Variants in RPA1 observed in about 807,000 individuals in gnomAD.
The protein encoded by RPA1 is replication protein A1.
Under a neutral mutation model 83.0 loss-of-function variants are expected in RPA1, and 49 were observed. The observed-to-expected ratio is 0.59, with a 90% CI of 0.47 to 0.75. RPA1 has a LOEUF of 0.75. Ranked by LOEUF, RPA1 falls within the 30% of genes least tolerant of loss-of-function variation. The pLI is 0.00. For missense variants in RPA1, 693 were observed against 776.1 expected, an observed-to-expected ratio of 0.89 and a Z score of 1.27; for synonymous variants, 279 against 281.8, an observed-to-expected ratio of 0.99 and a Z score of 0.10.
intron 15 of RPA1, among the ~76,000 whole-genome samples, chr17:1,893,886 T>G (rs1914290497): frequency 6.6e-6 from 1 of 151,920 alleles, no homozygotes; most frequent in South Asian, 2.1e-4. Flanking sequence ...TGAGACAAGG[T>G]CTTGCCTCAT....
chr17:1,834,105 G>A (rs182512289), intron 1 of RPA1, among the ~76,000 whole-genome samples: 7 of 152,268 alleles, frequency 4.6e-5, no homozygotes, highest in African/African-American at 7.2e-5. Context: ...GCTTGAACCC[G>A]TGAGGCAGAG....
At chr17:1,893,044 T>A (rs972227406) in intron 15 of RPA1, among the ~76,000 whole-genome samples, 2 of 152,200 alleles carry the variant, frequency 1.3e-5, no homozygotes, top group African/African-American at 4.8e-5. Flanking sequence ...CTGGTGTGTT[T>A]TTCTTTTTCT....
chr17:1,838,488 A>G (rs1911909146), intron 1 of RPA1, among the ~76,000 whole-genome samples: 1 of 151,686 alleles, frequency 6.6e-6, no homozygotes, highest in African/African-American at 2.4e-5. Flanking sequence ...CTGTAACCTC[A>G]GCTACTCAGG....
At position 1,897,811 on chromosome 17, in the gene RPA1, A is replaced by T. The variant is rs1597466531; in HGVS notation, c.*636A>T. 6.5e-6 allele frequency: 1 copy of T among 152,814 alleles called. No individual in the cohort carries two copies. Among genetic ancestry groups the T allele is most frequent in the African/African-American group, 2.4e-5 (1 of 41,450 alleles). 9.5% of individuals were successfully genotyped at this position (152,814 alleles called of 1,614,324 possible). A position where few individuals can be genotyped will look rare whatever the true frequency, so the allele number is the denominator to read the frequency against. On this transcript the variant is annotated 3_prime_UTR_variant, in exon 17 of 17. Coordinates refer to ENST00000254719, the MANE Select transcript of RPA1 (RefSeq NM_002945.5). ...TCAGATGGGTCTGATATTAATCAAAATTGTCTCTTCTGAGGACCGCTGATA... is the reference window on the plus strand; with the variant it reads ...TCAGATGGGTCTGATATTAATCAAATTTGTCTCTTCTGAGGACCGCTGATA...
intron 5 of RPA1, among the ~76,000 whole-genome samples, chr17:1,857,882 G>T (rs1912770664): frequency 6.8e-6 from 1 of 147,858 alleles, no homozygotes; most frequent in Non-Finnish European, 1.5e-5. Flanking sequence ...CACTATTAAG[G>T]TCTACCAGGT....
At chr17:1,844,026 G>C in intron 3 of RPA1, 28 bp downstream of exon 3, 1 of 1,596,430 alleles carries the variant, frequency 6.3e-7, no homozygotes, top group Non-Finnish European at 8.6e-7. Flanking sequence ...ATCTAGAAAT[G>C]TGTGAGTATT....
intron 5 of RPA1, chr17:1,854,268 A>G (rs1200639572): frequency 6.6e-6 from 1 of 152,250 alleles, no homozygotes; most frequent in Non-Finnish European, 1.5e-5. Context: ...GCCTCATTTG[A>G]CACCAAAATA....
At chr17:1,885,035 C>T (rs1373378276) in intron 13 of RPA1, among the ~76,000 whole-genome samples, 1 of 152,192 alleles carries the variant, frequency 6.6e-6, no homozygotes, top group Non-Finnish European at 1.5e-5. Context: ...TTCACAAAAG[C>T]TTTCTCCATA....
At chr17:1,861,621 C>G (rs59614924) in intron 5 of RPA1, among the ~76,000 whole-genome samples, 29,396 of 152,182 alleles carry the variant, frequency 0.19, 3,155 homozygotes, top group East Asian at 0.41. Flanking sequence ...CTGTTTGTCT[C>G]CATATTTCTA....
intron 5 of RPA1, 38 bp from the exon 6 acceptor site, chr17:1,872,396 C>T (rs1913405428): frequency 6.2e-7 from 1 of 1,606,884 alleles, no homozygotes; most frequent in African/African-American, 1.3e-5. Flanking sequence ...TAACCCAAAT[C>T]CTTTGCACTA....
intron 13 of RPA1, among the ~76,000 whole-genome samples, chr17:1,885,576 G>A (rs757772362): frequency 2.0e-5 from 3 of 152,034 alleles, no homozygotes; most frequent in Non-Finnish European, 4.4e-5. Flanking sequence ...AGGCTCCCAA[G>A]CTGGGACTAC....
intron 16 of RPA1, among the ~76,000 whole-genome samples, 180 bp from the exon 17 acceptor site, chr17:1,896,891 C>G (rs1914452482): frequency 6.6e-6 from 1 of 152,142 alleles, no homozygotes; most frequent in Non-Finnish European, 1.5e-5. Context: ...GAGAAAGGAC[C>G]TGTTCACTCG....
chr17:1,840,617 C>T (rs1597419318), intron 1 of RPA1, among the ~76,000 whole-genome samples: 1 of 152,094 alleles, frequency 6.6e-6, no homozygotes, highest in Non-Finnish European at 1.5e-5. Context: ...CTTCTGTTGC[C>T]CCGACTGGTC....
At chr17:1,850,171 CAA>C (rs56943271) in intron 4 of RPA1, among the ~76,000 whole-genome samples, 2 of 130,252 alleles carry the variant, frequency 1.5e-5, no homozygotes. Context: ...GACTCCATCT[CAA>C]AAAAAAAAAA....
Position 1,868,339 on chromosome 17 carries a change from G to A in RPA1, c.362-4095G>A, listed in dbSNP as rs746102775. Reference sequence around the variant, plus strand: ...GCTTTCTCCTCTGTTGGGAAAGGACGCACACTCTGTGCTAGCGGGTGGAGA... The same window carrying A: ...GCTTTCTCCTCTGTTGGGAAAGGACACACACTCTGTGCTAGCGGGTGGAGA... On this transcript the variant is annotated intron_variant, in intron 5 of 16. Transcript: ENST00000254719. Among the ~76,000 whole-genome samples the A allele has an allele frequency of 3.9e-5, 6 of 152,192 alleles. No homozygotes were observed. In the South Asian group the frequency reaches 6.2e-4, roughly 16 times the overall value.
At chr17:1,849,797 G>T (rs1377945512) in intron 4 of RPA1, among the ~76,000 whole-genome samples, 2 of 151,974 alleles carry the variant, frequency 1.3e-5, no homozygotes, top group African/African-American at 4.8e-5. Flanking sequence ...TAAGTCCTCA[G>T]GATTTCATCA....
At position 1,899,400 on chromosome 17, in the gene RPA1, A is replaced by C. The variant is rs1914569093; in HGVS notation, c.*2225A>C. 6.6e-6 allele frequency: 1 copy of C among 152,546 alleles called. No individual in the cohort carries two copies. Among genetic ancestry groups the C allele is most frequent in the African/African-American group, 2.4e-5 (1 of 41,456 alleles). The allele number at this position is 152,546 out of a possible 1,614,324, so 9.4% of individuals were successfully genotyped here. A position where few individuals can be genotyped will look rare whatever the true frequency, so the allele number is the denominator to read the frequency against. On this transcript the variant is annotated 3_prime_UTR_variant, in exon 17 of 17. Transcript: ENST00000254719. ...CATCAGCGTTAGGCAATTAGGAGAAAAAAATCTAATCATTTCGCCTTTATT... is the reference window on the plus strand; with the variant it reads ...CATCAGCGTTAGGCAATTAGGAGAACAAAATCTAATCATTTCGCCTTTATT...
At chr17:1,843,337 G>C (rs1342295888) in intron 2 of RPA1, among the ~76,000 whole-genome samples, 1 of 151,818 alleles carries the variant, frequency 6.6e-6, no homozygotes, top group Non-Finnish European at 1.5e-5. Context: ...GGTCTGATGG[G>C]TCTCTCTGCT....
chr17:1,883,421 A>G (rs145814055), intron 12 of RPA1, among the ~76,000 whole-genome samples: 37 of 152,204 alleles, frequency 2.4e-4, no homozygotes, highest in Admixed American at 1.2e-3. Flanking sequence ...TCATCCTCCC[A>G]AAATGCTGGG....
Sources: gnomAD v4.1 joint callset for allele counts (sites outside exome capture counted in the v4.1 genomes callset) on GRCh38, gnomAD v4.1.1 for gene constraint, MANE v1.5 for transcripts, NCBI Gene and HGNC (gene_info 2026-07-23, HGNC 2026-07-21) for gene names.